BIRC6: variants seen among roughly 807,000 people sequenced by gnomAD.
BIRC6 encodes dual E2 ubiquitin-conjugating enzyme/E3 ubiquitin-protein ligase BIRC6.
In BIRC6, 98 loss-of-function variants were observed where a neutral mutation model predicts 503.3. That is an observed-to-expected ratio of 0.19 (90% confidence interval 0.17 to 0.23). The LOEUF (loss-of-function observed/expected upper bound fraction) is 0.23, where lower values mean the gene tolerates loss of function less well. Among genes scored for constraint, BIRC6 ranks in the 10% least tolerant of loss-of-function variants. The pLI is 1.00. For synonymous variants in BIRC6, 2,240 were observed against 2,078.7 expected (o/e 1.08, Z -2.11); for missense variants, 5,360 against 5,806.0 (o/e 0.92, Z 2.50).
chr2:32,549,656 A>G (rs1277576498), intron 65 of BIRC6, among the ~76,000 whole-genome samples, 175 bp downstream of exon 65: 1 of 152,232 alleles, frequency 6.6e-6, no homozygotes, highest in Non-Finnish European at 1.5e-5. Flanking sequence ...ATCACTTACC[A>G]TAGAACACAG....
intron 21 of BIRC6, among the ~76,000 whole-genome samples, chr2:32,448,424 G>A (rs1339258470): frequency 6.6e-6 from 1 of 150,548 alleles, no homozygotes; most frequent in Non-Finnish European, 1.5e-5. Context: ...CGAGGCTGGC[G>A]GATCACTCGC....
At chr2:32,584,930 G>A (rs930944338) in intron 66 of BIRC6, among the ~76,000 whole-genome samples, 2 of 151,956 alleles carry the variant, frequency 1.3e-5, no homozygotes, top group African/African-American at 2.4e-5. Flanking sequence ...ATATTCAATC[G>A]CTTTGTGATT....
At chr2:32,594,969 G>A (rs2061592674) in intron 67 of BIRC6, 65 bp from the exon 68 acceptor site, 1 of 1,059,956 alleles carries the variant, frequency 9.4e-7, no homozygotes, top group East Asian at 2.9e-5. Flanking sequence ...ATTCTTTTTA[G>A]TTTTATTTTT....
intron 66 of BIRC6, among the ~76,000 whole-genome samples, chr2:32,584,475 G>A (rs2060896010): frequency 6.6e-6 from 1 of 152,170 alleles, no homozygotes; most frequent in Non-Finnish European, 1.5e-5. Flanking sequence ...GGAGGTTGTA[G>A]TGAGCCAAGA....
Position 32,464,796 on chromosome 2 carries a change from T to C in BIRC6, c.5229T>C (p.His1743=), listed in dbSNP as rs1213117895. 2.5e-6 allele frequency: 4 copies of C among 1,611,194 alleles called. No individual in the cohort carries two copies. The highest frequency in any genetic ancestry group is 3.4e-6 in the Non-Finnish European group (4 of 1,178,002). The change falls in exon 25 of 74, where the codon CAT becomes CAC. Residue 1743 remains histidine (H), a synonymous_variant. Coordinates refer to ENST00000421745, the MANE Select transcript of BIRC6 (RefSeq NM_016252.4). The part of the protein sequence containing the change: ...IDPPAVNLAA[H]NKNSNKSRMN... ...CCCCAGCAGTCAATCTTGCTGCACATAACAAAAATTCCAACAAGTCCAGAA... is the reference window on the plus strand; with the variant it reads ...CCCCAGCAGTCAATCTTGCTGCACACAACAAAAATTCCAACAAGTCCAGAA...
intron 40 of BIRC6, among the ~76,000 whole-genome samples, chr2:32,487,231 G>A (rs2051102509): frequency 6.6e-6 from 1 of 152,100 alleles, no homozygotes; most frequent in Non-Finnish European, 1.5e-5. Context: ...ACTTCTGAAA[G>A]CTCCCCAGAT....
At chr2:32,617,117 A>G (rs1014661409) in intron 73 of BIRC6, among the ~76,000 whole-genome samples, 9 of 150,122 alleles carry the variant, frequency 6.0e-5, no homozygotes, top group African/African-American at 2.2e-4. Context: ...GAATATATGT[A>G]TGTAGGCCGG....
intron 45 of BIRC6, among the ~76,000 whole-genome samples, chr2:32,496,659 TAG>T (rs1201941854): frequency 1.3e-5 from 2 of 152,202 alleles, no homozygotes; most frequent in African/African-American, 4.8e-5. Context: ...TCTTTATTTT[TAG>T]AGTTATTTTG....
chr2:32,458,683 CT>C (rs1166608470), intron 23 of BIRC6, among the ~76,000 whole-genome samples: 1,204 of 89,444 alleles, frequency 0.013, 1 homozygote, highest in African/African-American at 0.016. Context: ...ACTCTATTGC[CT>C]TTTTTTTTTT....
At position 32,584,093 on chromosome 2, in the gene BIRC6, C is replaced by T. The variant is rs966013854; in HGVS notation, c.13355+8727C>T. Among the ~76,000 whole-genome samples the T allele has an allele frequency of 3.9e-5, 6 of 152,248 alleles. No homozygotes were observed. In the South Asian group the frequency reaches 1.2e-3, roughly 32 times the overall value. ...TGTCACTTAAAACCTAAAGAATAGG[C>T]TGGGTGCGGTGGCTTACACCTGTAA... On this transcript the variant is annotated intron_variant, in intron 66 of 73. Coordinates refer to ENST00000421745, the MANE Select transcript of BIRC6 (RefSeq NM_016252.4).
intron 64 of BIRC6, among the ~76,000 whole-genome samples, chr2:32,548,347 A>T (rs1236056319): frequency 3.3e-4 from 28 of 86,014 alleles, no homozygotes; most frequent in Admixed American, 8.1e-4. Context: ...ATTTATTTAT[A>T]TGCATTTTGG....
intron 66 of BIRC6, among the ~76,000 whole-genome samples, chr2:32,584,399 G>A (rs972513207): frequency 3.9e-5 from 6 of 152,046 alleles, no homozygotes; most frequent in Non-Finnish European, 5.9e-5. Flanking sequence ...GTGTGGTGGC[G>A]CACAGTGGGT....
intron 51 of BIRC6, 199 bp from the exon 52 acceptor site, chr2:32,509,539 C>T (rs1387659803): frequency 6.5e-6 from 4 of 611,690 alleles, no homozygotes; most frequent in African/African-American, 5.6e-5. Context: ...AGGTGTTAGC[C>T]ACCGTGCCTG....
At position 32,501,835 on chromosome 2, in the gene BIRC6, A is replaced by C; in HGVS notation, c.9154A>C (p.Met3052Leu). 6.2e-7 allele frequency: 1 copy of C among 1,613,934 alleles called. No individual in the cohort carries two copies. The highest frequency in any genetic ancestry group is 1.7e-5 in the Admixed American group (1 of 60,004). The change falls in exon 47 of 74, where the codon ATG becomes CTG. Residue 3052 changes from methionine to leucine, a missense_variant. Met to Leu is a conservative substitution (Grantham distance 15, BLOSUM62 2). Coordinates refer to ENST00000421745, the MANE Select transcript of BIRC6 (RefSeq NM_016252.4). ...TLSKKASTVH[M>L]MLQPILTYMA... Reference sequence around the variant, plus strand: ...TAGTAAAAAAGCTTCTACAGTCCACATGATGCTGCAGCCAATTTTAACATA... The same window carrying C: ...TAGTAAAAAAGCTTCTACAGTCCACCTGATGCTGCAGCCAATTTTAACATA...
intron 66 of BIRC6, among the ~76,000 whole-genome samples, chr2:32,589,230 AT>A (rs1283238289): frequency 1.3e-5 from 2 of 152,210 alleles, no homozygotes; most frequent in African/African-American, 4.8e-5. Flanking sequence ...TGTTCTGGAT[AT>A]TTAACTTCTC....
intron 9 of BIRC6, among the ~76,000 whole-genome samples, chr2:32,412,450 T>A (rs1049802749): frequency 6.6e-6 from 1 of 151,920 alleles, no homozygotes; most frequent in Non-Finnish European, 1.5e-5. Flanking sequence ...TGAGCTGAGA[T>A]TATGCCATTG....
In BIRC6 at chr2:32,414,791, C is replaced by T. The variant is rs769707654; in HGVS notation, c.1500C>T (p.Ala500=). 1.2e-6 allele frequency: 2 copies of T among 1,612,810 alleles called. No individual in the cohort carries two copies. The highest frequency in any genetic ancestry group is 2.7e-5 in the African/African-American group (2 of 74,944). ...AAGGGCATACATCACAGAAGGAAGC[C>T]ATGGAAGTAAGCCTTGATATAACAG... ...SVTGHTSQKE[A]MEVSLDITAL... The change falls in exon 10 of 74, where the codon GCC becomes GCT. Residue 500 remains alanine (A), a synonymous_variant. Coordinates refer to ENST00000421745, the MANE Select transcript of BIRC6 (RefSeq NM_016252.4).
At position 32,618,148 on chromosome 2, in the gene BIRC6, T is replaced by C; in HGVS notation, c.*244T>C. ...TTGGTATGTTCAACAAATTTGTGTATACAAAGAAATGGATAAATCACTGCT... is the reference window on the plus strand; with the variant it reads ...TTGGTATGTTCAACAAATTTGTGTACACAAAGAAATGGATAAATCACTGCT... On this transcript the variant is annotated 3_prime_UTR_variant, in exon 74 of 74. Coordinates refer to ENST00000421745, the MANE Select transcript of BIRC6 (RefSeq NM_016252.4). The C allele has an allele frequency of 3.0e-6, 1 of 336,954 alleles. No homozygotes were observed. Among genetic ancestry groups the C allele is most frequent in the Non-Finnish European group, 5.4e-6 (1 of 185,086 alleles). The allele number at this position is 336,954 out of a possible 1,614,324, so 20.9% of individuals were successfully genotyped here. A position where few individuals can be genotyped will look rare whatever the true frequency, so the allele number is the denominator to read the frequency against.
At chr2:32,373,376 G>C (rs1425743913) in intron 1 of BIRC6, among the ~76,000 whole-genome samples, 1 of 152,154 alleles carries the variant, frequency 6.6e-6, no homozygotes, top group Admixed American at 6.5e-5. Context: ...CAAAGTACCA[G>C]CATAAAGATG....
Sources: gnomAD v4.1 joint callset for allele counts (sites outside exome capture counted in the v4.1 genomes callset) on GRCh38, gnomAD v4.1.1 for gene constraint, MANE v1.5 for transcripts, NCBI Gene and HGNC (gene_info 2026-07-23, HGNC 2026-07-21) for gene names.